AVEN: variants seen among roughly 807,000 people sequenced by gnomAD.
AVEN encodes apoptosis and caspase activation inhibitor, also known as cell death regulator Aven.
AVEN carries 41 observed loss-of-function variants against 38.1 expected under a neutral mutation model. That is an observed-to-expected ratio of 1.08 (90% CI 0.84 to 1.40). The LOEUF (loss-of-function observed/expected upper bound fraction) is 1.40, where lower values mean the gene tolerates loss of function less well. AVEN is among the 40% of genes most tolerant of loss of function. AVEN has a pLI of 0.00. For synonymous variants in AVEN, 206 were observed against 171.8 expected, an observed-to-expected ratio of 1.20 and a Z score of -1.56; for missense variants, 605 against 438.8, an observed-to-expected ratio of 1.38 and a Z score of -3.38.
downstream of AVEN, among the ~76,000 whole-genome samples, chr15:33,862,784 T>C (rs1286987693): frequency 6.6e-6 from 1 of 152,122 alleles, no homozygotes; most frequent in Non-Finnish European, 1.5e-5. Context: ...CTAATTTTTG[T>C]ATTTTTAGTA....
intron 1 of AVEN, among the ~76,000 whole-genome samples, chr15:34,012,683 T>G (rs992519569): frequency 5.9e-5 from 9 of 152,244 alleles, no homozygotes; most frequent in African/African-American, 2.2e-4. Flanking sequence ...ATCAGACCAT[T>G]AAATAGCTGT....
At chr15:33,900,115 CTCT>C (rs1310200852) in intron 2 of AVEN, among the ~76,000 whole-genome samples, 16 of 151,696 alleles carry the variant, frequency 1.1e-4, no homozygotes, top group Admixed American at 3.3e-4. Context: ...TTTTTCTTTC[CTCT>C]TCTTCTCTCT....
intron 2 of AVEN, among the ~76,000 whole-genome samples, chr15:33,879,011 G>A (rs192634753): frequency 8.6e-5 from 13 of 151,992 alleles, no homozygotes; most frequent in Non-Finnish European, 1.8e-4. Flanking sequence ...TGTAAAAAAG[G>A]CATGCTATAT....
At chr15:34,009,459 A>C (rs1289376161) in intron 1 of AVEN, among the ~76,000 whole-genome samples, 1 of 152,238 alleles carries the variant, frequency 6.6e-6, no homozygotes, top group African/African-American at 2.4e-5. Context: ...TGCTGGGCCT[A>C]TAACATAGAT....
chr15:33,867,433 C>T (rs1344725762), intron 5 of AVEN, 62 bp downstream of exon 5: 40 of 1,527,240 alleles, frequency 2.6e-5, no homozygotes, highest in Admixed American at 8.6e-5. Context: ...GTGATGCGGG[C>T]GGGGCTGTTC....
At chr15:33,852,409 G>C in the AVEN span, 1 of 152,158 alleles carries the variant, frequency 6.6e-6, no homozygotes, top group African/African-American at 2.4e-5. Context: ...TCATCTCTCT[G>C]GGGATGCTAG....
In AVEN at chr15:34,015,206, G is replaced by A. The variant is rs146447575; in HGVS notation, c.268-11997C>T. On this transcript the variant is annotated intron_variant, in intron 1 of 5. Coordinates refer to ENST00000306730, the MANE Select transcript of AVEN (RefSeq NM_020371.3). ...TTTAAAAAATTCCACAAAATAGGCCGGGCGCAGTGGCTCACGCCTGTAATC... is the reference window on the plus strand; with the variant it reads ...TTTAAAAAATTCCACAAAATAGGCCAGGCGCAGTGGCTCACGCCTGTAATC... Among the ~76,000 whole-genome samples the A allele has an allele frequency of 1.5e-3, 232 of 152,208 alleles. 4 individuals are homozygous for A. The highest frequency in any genetic ancestry group is 6.0e-3 in the South Asian group (29 of 4,816).
At chr15:33,889,856 G>T (rs1260870082) in intron 2 of AVEN, among the ~76,000 whole-genome samples, 1 of 152,166 alleles carries the variant, frequency 6.6e-6, no homozygotes, top group East Asian at 1.9e-4. Context: ...TACATTTATA[G>T]AAAATCGGGC....
chr15:34,072,230 T>G (rs1202679010), intron 1 of AVEN, among the ~76,000 whole-genome samples: 1 of 151,930 alleles, frequency 6.6e-6, no homozygotes, highest in East Asian at 1.9e-4. Context: ...GATGGCACCA[T>G]CTCTCTCCAG....
chr15:33,891,290 TGA>T (rs1891948052), intron 2 of AVEN, among the ~76,000 whole-genome samples: 1 of 152,186 alleles, frequency 6.6e-6, no homozygotes, highest in Non-Finnish European at 1.5e-5. Flanking sequence ...CGTGCAGGTT[TGA>T]TATATAGGTA....
intron 2 of AVEN, among the ~76,000 whole-genome samples, chr15:33,921,349 T>C (rs1893386637): frequency 6.6e-6 from 1 of 152,170 alleles, no homozygotes; most frequent in Non-Finnish European, 1.5e-5. Context: ...CAGTAACTAC[T>C]AATTCCAAAA....
rs536338989 is a variant in AVEN, at chr15:33,909,394, G to C, written c.446-33399C>G. ...ACCTATTTGCCCATTTGCAATTATAGAGTGATTTTATACTCTATAAATGTA... is the reference window on the plus strand; with the variant it reads ...ACCTATTTGCCCATTTGCAATTATACAGTGATTTTATACTCTATAAATGTA... On this transcript the variant is annotated intron_variant, in intron 2 of 5. Transcript: ENST00000306730. Among the ~76,000 whole-genome samples the C allele has an allele frequency of 9.2e-5, 14 of 152,272 alleles. No individual in the cohort carries two copies. In the South Asian group the frequency reaches 2.9e-3, roughly 32 times the overall value.
intron 1 of AVEN, among the ~76,000 whole-genome samples, chr15:34,027,162 C>G (rs897100041): frequency 1.3e-5 from 2 of 152,130 alleles, no homozygotes; most frequent in Non-Finnish European, 2.9e-5. Flanking sequence ...TTTAAAACAG[C>G]TAAATCTCAG....
chr15:33,866,731 G>C lies in AVEN; in HGVS notation c.974-3C>G. 1.2e-6 allele frequency: 2 copies of C among 1,604,492 alleles called. No individual in the cohort carries two copies. Among genetic ancestry groups the C allele is most frequent in the Non-Finnish European group, 1.7e-6 (2 of 1,173,044 alleles). On this transcript the variant is annotated splice_region_variant and splice_polypyrimidine_tract_variant and intron_variant, in intron 5 of 5. Coordinates refer to ENST00000306730, the MANE Select transcript of AVEN (RefSeq NM_020371.3). ...AGTCACAGATGGTTTTGCACAAACT[G>C]GGGGAAAAAAAACAATGTTAACACC...
rs1075756 is a variant in AVEN at position 34,002,190 on chromosome 15, G to A, written c.445+842C>T. Among the ~76,000 whole-genome samples, 103 of 152,174 alleles carry A rather than the reference G, an allele frequency of 6.8e-4. No individual in the cohort carries two copies. The South Asian group carries it at 1.0e-2, about 15-fold the overall frequency. ...TTTATTCATACTCATTTGTGCACAC[G>A]TGTGTATATTAAGTTCTACACAATT... On this transcript the variant is annotated intron_variant, in intron 2 of 5. Transcript: ENST00000306730.
intron 2 of AVEN, among the ~76,000 whole-genome samples, chr15:33,989,232 T>C (rs1399941828): frequency 2.0e-5 from 3 of 152,302 alleles, no homozygotes; most frequent in East Asian, 1.9e-4. Context: ...AGTACCATGC[T>C]TGGATATTTT....
At chr15:33,980,158 C>T (rs58547397) in intron 2 of AVEN, among the ~76,000 whole-genome samples, 5,715 of 152,184 alleles carry the variant, frequency 0.038, 384 homozygotes, top group African/African-American at 0.13. Context: ...GTACAAGGAA[C>T]CTAAACATGT....
intron 1 of AVEN, among the ~76,000 whole-genome samples, chr15:34,014,382 A>C (rs1897779971): frequency 4.0e-5 from 1 of 24,876 alleles, no homozygotes; most frequent in South Asian, 1.8e-3. Flanking sequence ...AAAAAAAAAA[A>C]AACAAAAACA....
intron 5 of AVEN, among the ~76,000 whole-genome samples, chr15:34,055,681 G>T (rs1900114989): frequency 6.6e-6 from 1 of 151,152 alleles, no homozygotes; most frequent in South Asian, 2.1e-4. Context: ...GGTGCCTGTA[G>T]CCCCAGCTAC....
Sources: allele counts gnomAD v4.1 joint callset (sites outside exome capture counted in the v4.1 genomes callset), GRCh38; gene constraint gnomAD v4.1.1; transcripts MANE v1.5; gene names NCBI Gene and HGNC (gene_info 2026-07-23, HGNC 2026-07-21).